Variants in PRUNE2 observed in about 807,000 individuals in gnomAD.
PRUNE2 encodes protein prune homolog 2.
Under a neutral mutation model 252.0 loss-of-function variants are expected in PRUNE2, and 164 were observed. That is an observed-to-expected ratio of 0.65 (90% CI 0.57 to 0.74). The LOEUF (loss-of-function observed/expected upper bound fraction) is 0.74, where lower values mean the gene tolerates loss of function less well. PRUNE2 is among the 30% of genes least tolerant of loss of function. The probability of loss-of-function intolerance (pLI) is 0.00; values close to 1 mark genes in which losing one functional copy is unlikely to be tolerated. For missense variants in PRUNE2, 3,495 were observed against 3,711.0 expected (o/e 0.94, Z 1.51); for synonymous variants, 1,292 against 1,350.2 (o/e 0.96, Z 0.94).
chr9:76,816,721 T>C (rs2057719419), intron 6 of PRUNE2, among the ~76,000 whole-genome samples: 1 of 152,206 alleles, frequency 6.6e-6, no homozygotes, highest in East Asian at 1.9e-4. Flanking sequence ...CTGTTTTCAT[T>C]TCAGTAAAAA....
Position 76,704,896 on chromosome 9 carries a change from T to C in PRUNE2, c.7378A>G (p.Ile2460Val). The change falls in exon 8 of 19, where the codon ATT becomes GTT. Residue 2460 changes from isoleucine to valine, a missense_variant. Coordinates refer to ENST00000376718, the MANE Select transcript of PRUNE2 (RefSeq NM_015225.3). ...TAAACGGACTCAGGGTCTTCACGAA[T>C]ATGCAGCACAGCCAGCTGGGATCCA... ...LPGSQLAVLH[I>V]REDPESVYLP... 2 of 1,610,400 alleles carry C rather than the reference T, an allele frequency of 1.2e-6. No individual in the cohort carries two copies. Among genetic ancestry groups the C allele is most frequent in the Non-Finnish European group, 1.7e-6 (2 of 1,178,124 alleles).
chr9:76,686,129 ATC>A (rs2044062207), intron 9 of PRUNE2, among the ~76,000 whole-genome samples: 1 of 152,238 alleles, frequency 6.6e-6, no homozygotes, highest in East Asian at 1.9e-4. Flanking sequence ...TCATTTAACC[ATC>A]TCTTTTTCAT....
chr9:76,624,490 T>C lies in PRUNE2; in HGVS notation c.9150A>G (p.Lys3050=). 1 of 1,423,072 alleles carries C rather than the reference T, an allele frequency of 7.0e-7. No homozygotes were observed. The highest frequency in any genetic ancestry group is 9.2e-7 in the Non-Finnish European group (1 of 1,083,966). The allele number at this position is 1,423,072 out of a possible 1,614,324, so 88.2% of individuals were successfully genotyped here. A position where few individuals can be genotyped will look rare whatever the true frequency, so the allele number is the denominator to read the frequency against. Residue 3050 remains lysine (K), a splice_region_variant and synonymous_variant, in exon 17 of 19, where the codon AAA becomes AAG. Coordinates refer to ENST00000376718, the MANE Select transcript of PRUNE2 (RefSeq NM_015225.3). ...ATGCTTCCCTCAGTTCTTCATCCAG[T>C]CTGCAGGAGCAAAAATTATTGGTGT... ...DCIHIPESII[K]LDEELREASE...
At chr9:76,898,179 G>C (rs2062959805) in intron 1 of PRUNE2, among the ~76,000 whole-genome samples, 1 of 152,230 alleles carries the variant, frequency 6.6e-6, no homozygotes, top group Admixed American at 6.5e-5. Flanking sequence ...CCTTTAGGGG[G>C]CAAGAAGTGG....
chr9:76,804,817 C>T (rs983372839), intron 6 of PRUNE2, among the ~76,000 whole-genome samples: 1 of 152,186 alleles, frequency 6.6e-6, no homozygotes, highest in Non-Finnish European at 1.5e-5. Context: ...TCTTTTCAAC[C>T]ATTTCCTCCA....
chr9:76,721,868 C>T (rs960385228), intron 6 of PRUNE2, among the ~76,000 whole-genome samples: 2 of 152,074 alleles, frequency 1.3e-5, no homozygotes, highest in African/African-American at 4.8e-5. Context: ...ATTTATGCAA[C>T]CAAAATTCCA....
intron 6 of PRUNE2, among the ~76,000 whole-genome samples, chr9:76,746,696 A>G (rs2050141047): frequency 8.6e-6 from 1 of 116,822 alleles, no homozygotes; most frequent in African/African-American, 3.3e-5. Flanking sequence ...TGGGCAACAG[A>G]GCGAGACTCC....
At position 76,706,361 on chromosome 9, in the gene PRUNE2, G is replaced by A. The variant is rs192274034; in HGVS notation, c.5913C>T (p.Asp1971=). ...TTTCCTCTGCGTGAGTAAAGGCTGT[G>A]TCCGGATGATCACAGACTGGCAGCA... The part of the protein sequence containing the change: ...DTMLPVCDHP[D]TAFTHAEENS... The change falls in exon 8 of 19, where the codon GAC becomes GAT. Residue 1971 remains aspartate (D), a synonymous_variant. Coordinates refer to ENST00000376718, the MANE Select transcript of PRUNE2 (RefSeq NM_015225.3). The A allele has an allele frequency of 3.4e-5, 55 of 1,613,984 alleles. No individual in the cohort carries two copies. In the Admixed American group the frequency reaches 4.0e-4, roughly 12 times the overall value.
chr9:76,627,106 CTT>C (rs1835160649), intron 16 of PRUNE2, among the ~76,000 whole-genome samples: 1 of 54,026 alleles, frequency 1.9e-5, no homozygotes, highest in Non-Finnish European at 8.0e-5. Flanking sequence ...TTTTTTTTTT[CTT>C]CTTCTTTTTT....
chr9:76,894,437 T>C (rs1459403433), intron 1 of PRUNE2, among the ~76,000 whole-genome samples: 2 of 152,196 alleles, frequency 1.3e-5, no homozygotes, highest in African/African-American at 4.8e-5. Flanking sequence ...GGACACTGCC[T>C]TCTCAGGGAG....
Position 76,616,920 on chromosome 9 carries a change from C to A in PRUNE2, c.9237-2320G>T, listed in dbSNP as rs182774735. 6.8e-3 allele frequency among the ~76,000 whole-genome samples: 1,020 copies of A among 150,610 alleles called. 8 individuals are homozygous for A. Among genetic ancestry groups the A allele is most frequent in the African/African-American group, 0.024 (977 of 40,820 alleles). On this transcript the variant is annotated intron_variant, in intron 18 of 18. Coordinates refer to ENST00000376718, the MANE Select transcript of PRUNE2 (RefSeq NM_015225.3). ...CATGAAGAAATTCATAAAATCCAAA[C>A]CTAAAAGGGAAGGAGACAAGCACCC...
intron 6 of PRUNE2, among the ~76,000 whole-genome samples, chr9:76,746,734 A>C (rs1194773193): frequency 2.0e-5 from 3 of 149,350 alleles, no homozygotes; most frequent in East Asian, 2.0e-4. Flanking sequence ...AAAAAAAAAA[A>C]AAAAAAACCC....
At chr9:76,816,907 C>T (rs1251919231) in intron 6 of PRUNE2, among the ~76,000 whole-genome samples, 3 of 152,204 alleles carry the variant, frequency 2.0e-5, no homozygotes, top group African/African-American at 7.2e-5. Flanking sequence ...CTATCCAATC[C>T]TTCTTTCCAT....
At chr9:76,781,026 C>G (rs977586638) in intron 6 of PRUNE2, among the ~76,000 whole-genome samples, 3 of 152,292 alleles carry the variant, frequency 2.0e-5, no homozygotes, top group Middle Eastern at 3.4e-3. Context: ...GCCAGTCCAT[C>G]AACACATCCT....
chr9:76,616,097 G>A (rs1225349829), intron 18 of PRUNE2, among the ~76,000 whole-genome samples: 1 of 151,886 alleles, frequency 6.6e-6, no homozygotes, highest in African/African-American at 2.4e-5. Context: ...TGAGCAAATA[G>A]CTCTTCGCTT....
intron 1 of PRUNE2, among the ~76,000 whole-genome samples, chr9:76,883,990 A>T (rs1345795103): frequency 6.6e-6 from 1 of 152,234 alleles, no homozygotes; most frequent in Non-Finnish European, 1.5e-5. Context: ...GGTAGCAATT[A>T]TCACTGAGAG....
intron 6 of PRUNE2, among the ~76,000 whole-genome samples, chr9:76,746,674 C>T (rs981793501): frequency 1.6e-5 from 2 of 128,868 alleles, no homozygotes; most frequent in African/African-American, 2.9e-5. Context: ...CACTGCAGTC[C>T]GCAGTCCGGC....
chr9:76,657,995 G>T (rs1292687456), intron 9 of PRUNE2, among the ~76,000 whole-genome samples: 1 of 152,172 alleles, frequency 6.6e-6, no homozygotes, highest in Non-Finnish European at 1.5e-5. Flanking sequence ...TGCACCGGGG[G>T]AAGAAAAATG....
At chr9:76,620,619 C>T (rs1361450701) in intron 17 of PRUNE2, among the ~76,000 whole-genome samples, 1 of 152,176 alleles carries the variant, frequency 6.6e-6, no homozygotes, top group African/African-American at 2.4e-5. Context: ...AGGCGGCTAT[C>T]TCCCCAGGTG....
Sources: gnomAD v4.1 joint callset for allele counts (sites outside exome capture counted in the v4.1 genomes callset) on GRCh38, gnomAD v4.1.1 for gene constraint, MANE v1.5 for transcripts, NCBI Gene and HGNC (gene_info 2026-07-23, HGNC 2026-07-21) for gene names.